Variants in TGFBR3 observed in about 807,000 individuals in gnomAD.
TGFBR3 encodes the protein transforming growth factor beta receptor type 3.
In TGFBR3, 46 loss-of-function variants were observed where a neutral mutation model predicts 87.9. The observed-to-expected ratio is 0.52, with a 90% CI of 0.41 to 0.67. The LOEUF (loss-of-function observed/expected upper bound fraction) is 0.67, where lower values mean the gene tolerates loss of function less well. Ranked by LOEUF, TGFBR3 falls within the 30% of genes least tolerant of loss-of-function variation. The pLI, the probability that TGFBR3 is intolerant of heterozygous loss-of-function variation, is 0.00. For missense variants in TGFBR3, 866 were observed against 1,041.9 expected, an observed-to-expected ratio of 0.83 and a Z score of 2.32; for synonymous variants, 381 against 391.6, an observed-to-expected ratio of 0.97 and a Z score of 0.32.
rs372120497 is a variant in TGFBR3 at position 91,736,822 on chromosome 1, G to A, written c.385-1863C>T. The stretch of plus-strand genomic sequence containing the variant: ...CCAGCACAGTTCTGAATGTTTAGAC[G>A]AGAAACCCTGGATGTTCTGCTTCTT... On this transcript the variant is annotated intron_variant, in intron 4 of 16. Transcript: ENST00000212355. Among the ~76,000 whole-genome samples, 156 of 152,282 alleles carry A rather than the reference G, an allele frequency of 1.0e-3. 1 individual carries two copies. Among genetic ancestry groups the A allele is most frequent in the African/African-American group, 3.7e-3 (154 of 41,568 alleles).
At chr1:91,697,773 G>A (rs2810886) in intron 15 of TGFBR3, among the ~76,000 whole-genome samples, 118,376 of 152,134 alleles carry the variant, frequency 0.78, 46,842 homozygotes, top group African/African-American at 0.89. Context: ...GCAGGTTAGA[G>A]CAGACATAAG....
intron 1 of TGFBR3, among the ~76,000 whole-genome samples, chr1:91,871,459 C>A (rs1303760559): frequency 1.3e-5 from 2 of 152,202 alleles, no homozygotes; most frequent in African/African-American, 4.8e-5. Context: ...CCTGTTTTCA[C>A]ATAGGTTACC....
At chr1:91,810,704 T>G (rs1676000124) in intron 2 of TGFBR3, among the ~76,000 whole-genome samples, 1 of 152,324 alleles carries the variant, frequency 6.6e-6, no homozygotes, top group South Asian at 2.1e-4. Flanking sequence ...CTGCCACATT[T>G]TAGCCTTTTA....
intron 2 of TGFBR3, among the ~76,000 whole-genome samples, chr1:91,856,536 T>G (rs1211028866): frequency 1.3e-5 from 2 of 152,140 alleles, no homozygotes; most frequent in African/African-American, 2.4e-5. Flanking sequence ...GCTCCTATTA[T>G]TCTAACTTGG....
chr1:91,881,771 C>T (rs61779066), intron 1 of TGFBR3, among the ~76,000 whole-genome samples: 39,636 of 152,026 alleles, frequency 0.26, 5,699 homozygotes, highest in Non-Finnish European at 0.31. Context: ...CGGGCACAGT[C>T]GCTCACGCCT....
intron 4 of TGFBR3, among the ~76,000 whole-genome samples, chr1:91,735,263 G>A (rs1672925408): frequency 1.3e-5 from 2 of 152,166 alleles, no homozygotes; most frequent in Admixed American, 6.5e-5. Context: ...AATCTAAATC[G>A]AAGACCAATC....
At chr1:91,822,063 A>G (rs1676468095) in intron 2 of TGFBR3, among the ~76,000 whole-genome samples, 1 of 152,138 alleles carries the variant, frequency 6.6e-6, no homozygotes, top group Non-Finnish European at 1.5e-5. Context: ...GACCAAAGAG[A>G]CCAGACAAAT....
chr1:91,866,137 C>T (rs530892939), intron 1 of TGFBR3, among the ~76,000 whole-genome samples: 1 of 152,270 alleles, frequency 6.6e-6, no homozygotes, highest in Non-Finnish European at 1.5e-5. Context: ...AAAACCATCA[C>T]GTTCTAAACC....
intron 2 of TGFBR3, among the ~76,000 whole-genome samples, chr1:91,892,828 T>A (rs1679477730): frequency 6.6e-6 from 1 of 152,252 alleles, no homozygotes; most frequent in Non-Finnish European, 1.5e-5. Flanking sequence ...TATATATGTG[T>A]ATTACTATTC....
Position 91,680,798 on chromosome 1 carries a change from T to C in TGFBR3, c.*2941A>G. Reference sequence around the variant, plus strand: ...GTGAGCACCCCACACACACTCACAATCATGCCCACTAAGAACACAAGCAGG... The same window carrying C: ...GTGAGCACCCCACACACACTCACAACCATGCCCACTAAGAACACAAGCAGG... On this transcript the variant is annotated 3_prime_UTR_variant, in exon 17 of 17. Transcript: ENST00000212355. The C allele has an allele frequency of 2.2e-6, 1 of 453,492 alleles. No homozygotes were observed. Among genetic ancestry groups the C allele is most frequent in the Non-Finnish European group, 4.4e-6 (1 of 226,362 alleles). 28.1% of individuals were successfully genotyped at this position (453,492 alleles called of 1,614,324 possible). A position where few individuals can be genotyped will look rare whatever the true frequency, so the allele number is the denominator to read the frequency against.
chr1:91,834,806 G>T (rs1676997867), intron 2 of TGFBR3, among the ~76,000 whole-genome samples: 1 of 152,126 alleles, frequency 6.6e-6, no homozygotes, highest in Non-Finnish European at 1.5e-5. Flanking sequence ...AGCCTCCCTA[G>T]TAGTTGAGAT....
chr1:91,895,496 T>G (rs986272345), intron 2 of TGFBR3, among the ~76,000 whole-genome samples: 2 of 152,050 alleles, frequency 1.3e-5, no homozygotes, highest in Non-Finnish European at 2.9e-5. Context: ...ATTTCTTTAT[T>G]TTTTTAGAGA....
chr1:91,705,753 GCCTC>G (rs1557667057), intron 14 of TGFBR3, among the ~76,000 whole-genome samples: 1 of 152,148 alleles, frequency 6.6e-6, no homozygotes, highest in African/African-American at 2.4e-5. Context: ...CAGTTTAACC[GCCTC>G]AATTTATTTA....
At chr1:91,717,845 T>A (rs1158732060) in intron 10 of TGFBR3, among the ~76,000 whole-genome samples, 1 of 148,878 alleles carries the variant, frequency 6.7e-6, no homozygotes, top group Non-Finnish European at 1.5e-5. Flanking sequence ...AAGGGATCAT[T>A]ACATGCCTTT....
chr1:91,798,361 C>A (rs1454277864), intron 2 of TGFBR3, among the ~76,000 whole-genome samples: 1 of 152,186 alleles, frequency 6.6e-6, no homozygotes, highest in South Asian at 2.1e-4. Context: ...CAAATAAAGC[C>A]TGAGCTCCAC....
Position 91,682,356 on chromosome 1 carries a change from T to G in TGFBR3, c.*1383A>C, listed in dbSNP as rs1361591685. On this transcript the variant is annotated 3_prime_UTR_variant, in exon 17 of 17. Transcript: ENST00000212355. Reference sequence around the variant, plus strand: ...GAAAAAGAATAATTTGCAATGAAGCTATCTTCAGCAGTAAAATAATTTAGC... The same window carrying G: ...GAAAAAGAATAATTTGCAATGAAGCGATCTTCAGCAGTAAAATAATTTAGC... 1 of 453,402 alleles carries G rather than the reference T, an allele frequency of 2.2e-6. No homozygotes were observed. Among genetic ancestry groups the G allele is most frequent in the Admixed American group, 2.4e-5 (1 of 42,488 alleles). The allele number at this position is 453,402 out of a possible 1,614,324, so 28.1% of individuals were successfully genotyped here.
rs186173500 is a variant in TGFBR3 at position 91,682,778 on chromosome 1, C to T, written c.*961G>A. 1.8e-5 allele frequency: 8 copies of T among 453,924 alleles called. No homozygotes were observed. In the East Asian group the frequency reaches 4.9e-4, roughly 28 times the overall value. 28.1% of individuals were successfully genotyped at this position (453,924 alleles called of 1,614,324 possible). On this transcript the variant is annotated 3_prime_UTR_variant, in exon 17 of 17. Transcript: ENST00000212355. ...AGTTGCAACTCTAAAAGCATAAGGA[C>T]ATTTTCAAATTTTCTCTTCTTCAAC...
intron 1 of TGFBR3, among the ~76,000 whole-genome samples, chr1:91,880,228 CT>C: frequency 6.6e-6 from 1 of 152,216 alleles, no homozygotes; most frequent in East Asian, 1.9e-4. Flanking sequence ...TTAAAGGCCC[CT>C]AAAAACATTT....
intron 2 of TGFBR3, among the ~76,000 whole-genome samples, chr1:91,841,729 G>T (rs1229089714): frequency 6.7e-6 from 1 of 150,088 alleles, no homozygotes; most frequent in Non-Finnish European, 1.5e-5. Context: ...GGGAGGCGAA[G>T]GTTGCTGTGA....
Sources: gnomAD v4.1 joint callset for allele counts (sites outside exome capture counted in the v4.1 genomes callset) on GRCh38, gnomAD v4.1.1 for gene constraint, MANE v1.5 for transcripts, NCBI Gene and HGNC (gene_info 2026-07-23, HGNC 2026-07-21) for gene names.